The following RERG variants were observed in gnomAD, a reference collection of about 807,000 sequenced individuals.
RERG encodes RAS like estrogen regulated growth inhibitor.
Under a neutral mutation model 23.2 loss-of-function variants are expected in RERG, and 25 were observed. The observed-to-expected ratio is 1.08, with a 90% CI of 0.79 to 1.50. RERG has a LOEUF of 1.50. RERG is among the 40% of genes most tolerant of loss of function. The pLI, the probability that RERG is intolerant of heterozygous loss-of-function variation, is 0.00. For missense variants in RERG, 253 were observed against 250.1 expected (o/e 1.01, Z -0.08); for synonymous variants, 81 against 89.1 (o/e 0.91, Z 0.51).
At chr12:15,193,015 T>C (rs1865093162) in intron 2 of RERG, among the ~76,000 whole-genome samples, 1 of 152,122 alleles carries the variant, frequency 6.6e-6, no homozygotes, top group Non-Finnish European at 1.5e-5. Context: ...AGTTACCACT[T>C]TTCTCTTTGT....
chr12:15,179,461 G>T (rs753855339), intron 2 of RERG, among the ~76,000 whole-genome samples: 1 of 152,120 alleles, frequency 6.6e-6, no homozygotes, highest in Non-Finnish European at 1.5e-5. Flanking sequence ...TAAAAGATCT[G>T]TACCTGCTGG....
chr12:15,215,009 C>T (rs576107508), intron 2 of RERG, among the ~76,000 whole-genome samples: 9 of 152,300 alleles, frequency 5.9e-5, no homozygotes, highest in African/African-American at 1.9e-4. Context: ...CATAGGAAAA[C>T]ACTGTCTGTT....
At chr12:15,126,128 C>CATATATATATATATAT (rs67901734) in intron 2 of RERG, among the ~76,000 whole-genome samples, 13,272 of 86,756 alleles carry the variant, frequency 0.15, 1,515 homozygotes, top group Admixed American at 0.18. Flanking sequence ...TTGTATATAC[C>CATATATATATATATAT]ATATATATAT....
At chr12:15,208,121 G>C (rs906700089) in intron 2 of RERG, among the ~76,000 whole-genome samples, 7 of 152,114 alleles carry the variant, frequency 4.6e-5, no homozygotes, top group Non-Finnish European at 1.0e-4. Flanking sequence ...GTTTCCTAGA[G>C]CAGAAGAAAT....
At chr12:15,193,182 T>C (rs1418080449) in intron 2 of RERG, among the ~76,000 whole-genome samples, 2 of 152,200 alleles carry the variant, frequency 1.3e-5, no homozygotes, top group East Asian at 3.8e-4. Context: ...CTATAATTTG[T>C]TAATTGGAAT....
intron 2 of RERG, among the ~76,000 whole-genome samples, chr12:15,175,742 A>G (rs1296942027): frequency 6.6e-6 from 1 of 152,156 alleles, no homozygotes; most frequent in Non-Finnish European, 1.5e-5. Context: ...TCAAATAACA[A>G]CTGCTCCTTT....
intron 2 of RERG, among the ~76,000 whole-genome samples, chr12:15,177,386 G>A (rs921088184): frequency 2.0e-5 from 3 of 152,174 alleles, no homozygotes; most frequent in Non-Finnish European, 4.4e-5. Context: ...CCAGGAGGTG[G>A]AGGTTGCAGT....
chr12:15,212,221 G>A (rs1279926570), intron 2 of RERG, among the ~76,000 whole-genome samples: 2 of 148,644 alleles, frequency 1.3e-5, no homozygotes, highest in East Asian at 1.9e-4. Flanking sequence ...CACCGCGCCC[G>A]GCTAATTTTT....
intron 3 of RERG, 35 bp from the exon 4 acceptor site, chr12:15,111,452 T>C (rs1863615422): frequency 6.7e-7 from 1 of 1,503,048 alleles, no homozygotes; most frequent in African/African-American, 1.4e-5. Context: ...GACAAAAAGA[T>C]AAATAAATGC....
At chr12:15,164,196 A>G (rs537178741) in intron 2 of RERG, among the ~76,000 whole-genome samples, 5 of 152,228 alleles carry the variant, frequency 3.3e-5, no homozygotes, top group Non-Finnish European at 7.3e-5. Context: ...CAAGTTTTAC[A>G]TAGGGGCTCC....
chr12:15,204,016 C>T (rs1431309900), intron 2 of RERG, among the ~76,000 whole-genome samples: 2 of 151,612 alleles, frequency 1.3e-5, no homozygotes, highest in African/African-American at 2.4e-5. Context: ...TACATATTCA[C>T]TGCTATTCCC....
At chr12:15,188,866 T>G (rs1208931178) in intron 2 of RERG, among the ~76,000 whole-genome samples, 2 of 152,116 alleles carry the variant, frequency 1.3e-5, no homozygotes, top group Non-Finnish European at 2.9e-5. Context: ...GGGCAGTAGT[T>G]ATGGGAATGC....
chr12:15,186,402 T>TTTTTAA (rs1565531769), intron 2 of RERG, among the ~76,000 whole-genome samples: 2 of 152,040 alleles, frequency 1.3e-5, no homozygotes, highest in Non-Finnish European at 2.9e-5. Flanking sequence ...AAATTAAAAA[T>TTTTTAA]GTACATTTAA....
intron 2 of RERG, among the ~76,000 whole-genome samples, chr12:15,209,865 T>A (rs1865343526): frequency 6.6e-6 from 1 of 152,220 alleles, no homozygotes; most frequent in Non-Finnish European, 1.5e-5. Context: ...ATGCTAGACT[T>A]GGCTCTAGCA....
chr12:15,152,617 G>A (rs1339763070), intron 2 of RERG, among the ~76,000 whole-genome samples: 1 of 152,164 alleles, frequency 6.6e-6, no homozygotes, highest in Admixed American at 6.5e-5. Context: ...AAGGAAACTG[G>A]ACAAGGATAA....
Position 15,108,059 on chromosome 12 carries a change from T to C in RERG, c.*1051A>G, listed in dbSNP as rs1045733. 0.12 allele frequency: 17,676 copies of C among 152,612 alleles called. 1,093 individuals carry two copies. Among genetic ancestry groups the C allele is most frequent in the Admixed American group, 0.13 (1,915 of 15,274 alleles). 9.5% of individuals were successfully genotyped at this position (152,612 alleles called of 1,614,324 possible). A position where few individuals can be genotyped will look rare whatever the true frequency, so the allele number is the denominator to read the frequency against. On this transcript the variant is annotated 3_prime_UTR_variant, in exon 5 of 5. Coordinates refer to ENST00000256953, the MANE Select transcript of RERG (RefSeq NM_032918.3). Reference sequence around the variant, plus strand: ...TGTACTTTCAGAATACAAGAGTCTGTTTTAGACACATTTATTCAGCTGTAA... The same window carrying C: ...TGTACTTTCAGAATACAAGAGTCTGCTTTAGACACATTTATTCAGCTGTAA...
At chr12:15,123,050 G>T (rs1208768446) in intron 2 of RERG, among the ~76,000 whole-genome samples, 1 of 152,036 alleles carries the variant, frequency 6.6e-6, no homozygotes, top group African/African-American at 2.4e-5. Flanking sequence ...GCCCACCTCG[G>T]CCTCCCAAAG....
intron 2 of RERG, among the ~76,000 whole-genome samples, chr12:15,142,706 G>T (rs1036140739): frequency 6.6e-6 from 1 of 152,008 alleles, no homozygotes; most frequent in African/African-American, 2.4e-5. Context: ...AAGAGAGAGG[G>T]GGGGTAGGAG....
chr12:15,195,551 CTG>C (rs71042238), intron 2 of RERG, among the ~76,000 whole-genome samples: 28,863 of 127,670 alleles, frequency 0.23, 2,454 homozygotes, highest in Middle Eastern at 0.25. Context: ...GCAAGCTTGG[CTG>C]TGTGTGTGTG....
Sources: gnomAD v4.1 joint callset for allele counts (sites outside exome capture counted in the v4.1 genomes callset) on GRCh38, gnomAD v4.1.1 for gene constraint, MANE v1.5 for transcripts, NCBI Gene and HGNC (gene_info 2026-07-23, HGNC 2026-07-21) for gene names.